Variants in NR6A1 observed in about 807,000 individuals in gnomAD.
NR6A1 encodes nuclear receptor subfamily 6 group A member 1.
NR6A1 carries 7 observed loss-of-function variants against 59.1 expected under a neutral mutation model. That is an observed-to-expected ratio of 0.12 (90% confidence interval 0.07 to 0.22). NR6A1 has a LOEUF of 0.22. Ranked by LOEUF, NR6A1 falls within the 10% of genes least tolerant of loss-of-function variation. The pLI is 1.00. For synonymous variants in NR6A1, 243 were observed against 236.1 expected, an observed-to-expected ratio of 1.03 and a Z score of -0.27; for missense variants, 468 against 611.6, an observed-to-expected ratio of 0.77 and a Z score of 2.48.
In NR6A1 at chr9:124,598,647, T is replaced by TAG; in HGVS notation, c.143-44078_143-44077insCT. 4 of 159,926 alleles carry TAG rather than the reference T, an allele frequency of 2.5e-5. No homozygotes were observed. The South Asian group carries it at 3.4e-4, about 14-fold the overall frequency. The allele number at this position is 159,926 out of a possible 1,614,324, so 9.9% of individuals were successfully genotyped here. On this transcript the variant is annotated intron_variant, in intron 2 of 9. Transcript: ENST00000487099. ...CCAAAAAAGAGGGGCAGAGTAAAAT[T>TAG]AAAAAAAAAAAAAAAAAAAAAACAA...
Position 124,619,801 on chromosome 9 carries a change from C to T in NR6A1, c.143-65231G>A, listed in dbSNP as rs954948547. On this transcript the variant is annotated intron_variant, in intron 2 of 9. Coordinates refer to ENST00000487099, the MANE Select transcript of NR6A1 (RefSeq NM_033334.4). ...TATTGGCTGGCTGAGGTGGCTCACG[C>T]CTGTAATCCCAGCACTTTGGGAGGC... 1.4e-4 allele frequency among the ~76,000 whole-genome samples: 22 copies of T among 152,284 alleles called. No homozygotes were observed. The South Asian group carries it at 3.9e-3, about 27-fold the overall frequency.
rs934724042 is a variant in NR6A1, at chr9:124,574,085, G to A, written c.143-19515C>T. On this transcript the variant is annotated intron_variant, in intron 2 of 9. Coordinates refer to ENST00000487099, the MANE Select transcript of NR6A1 (RefSeq NM_033334.4). ...CTGGAATGTTTCTTTATTGCTGAAT[G>A]AAAAAAGCAGACATTAACCTTTTCT... 4.6e-5 allele frequency among the ~76,000 whole-genome samples: 7 copies of A among 152,138 alleles called. 1 individual carries two copies. The highest frequency in any genetic ancestry group is 3.9e-4 in the Admixed American group (6 of 15,276).
intron 2 of NR6A1, among the ~76,000 whole-genome samples, chr9:124,584,814 C>A (rs1834875780): frequency 6.6e-6 from 1 of 152,126 alleles, no homozygotes; most frequent in South Asian, 2.1e-4. Context: ...AAAGGAAGAG[C>A]CACGTCTCTC....
intron 3 of NR6A1, 104 bp from the exon 4 acceptor site, chr9:124,543,961 T>C (rs1030914175): frequency 1.2e-6 from 1 of 852,148 alleles, no homozygotes; most frequent in Admixed American, 2.1e-5. Flanking sequence ...CAGTAATTAG[T>C]GAATCCAACA....
chr9:124,712,935 T>G (rs1839319245), intron 2 of NR6A1, among the ~76,000 whole-genome samples: 1 of 152,188 alleles, frequency 6.6e-6, no homozygotes, highest in East Asian at 1.9e-4. Flanking sequence ...AAAAAAACTC[T>G]TAGCAAACTA....
At chr9:124,679,106 T>G (rs1001199048) in intron 2 of NR6A1, among the ~76,000 whole-genome samples, 1 of 152,176 alleles carries the variant, frequency 6.6e-6, no homozygotes, top group Non-Finnish European at 1.5e-5. Flanking sequence ...CTGTCCTCTA[T>G]CCTCACCTCA....
At chr9:124,736,610 G>A (rs117310463) in intron 1 of NR6A1, among the ~76,000 whole-genome samples, 3,606 of 152,206 alleles carry the variant, frequency 0.024, 113 homozygotes, top group East Asian at 0.094. Flanking sequence ...TTGGGAAGCC[G>A]AAGCAGGAGG....
At chr9:124,727,052 T>C (rs1016244773) in intron 2 of NR6A1, among the ~76,000 whole-genome samples, 1 of 152,242 alleles carries the variant, frequency 6.6e-6, no homozygotes, top group African/African-American at 2.4e-5. Context: ...GCATTCCAGA[T>C]CTACATACTA....
At chr9:124,569,228 T>C (rs1834368046) in intron 2 of NR6A1, among the ~76,000 whole-genome samples, 1 of 152,176 alleles carries the variant, frequency 6.6e-6, no homozygotes, top group African/African-American at 2.4e-5. Flanking sequence ...GTGCAATCTA[T>C]CTTGTAAGTG....
At chr9:124,538,035 T>C (rs550374178) in intron 6 of NR6A1, 57 bp downstream of exon 6, 1 of 1,432,874 alleles carries the variant, frequency 7.0e-7, no homozygotes, top group East Asian at 2.3e-5. Flanking sequence ...CGCGAGTGGG[T>C]GTGGGGTAGG....
At chr9:124,759,126 C>T (rs1049779180) in intron 1 of NR6A1, among the ~76,000 whole-genome samples, 4 of 152,154 alleles carry the variant, frequency 2.6e-5, no homozygotes, top group African/African-American at 4.8e-5. Flanking sequence ...TGCCTATCCT[C>T]TTTTACATCT....
At chr9:124,566,017 C>G (rs918168682) in intron 2 of NR6A1, among the ~76,000 whole-genome samples, 2 of 152,148 alleles carry the variant, frequency 1.3e-5, no homozygotes, top group African/African-American at 4.8e-5. Context: ...ATGTTCACAA[C>G]GGCATGCTTT....
At chr9:124,588,828 G>A (rs1357672377) in intron 2 of NR6A1, among the ~76,000 whole-genome samples, 2 of 149,548 alleles carry the variant, frequency 1.3e-5, no homozygotes, top group African/African-American at 4.9e-5. Flanking sequence ...GCTGAGGCAG[G>A]AGAATGGCGC....
chr9:124,768,564 C>T (rs1303718374), intron 1 of NR6A1, among the ~76,000 whole-genome samples: 1 of 152,146 alleles, frequency 6.6e-6, no homozygotes, highest in Non-Finnish European at 1.5e-5. Flanking sequence ...CAAAAGTTCC[C>T]ATTGTATTTT....
At chr9:124,708,284 G>A (rs1020789388) in intron 2 of NR6A1, among the ~76,000 whole-genome samples, 2 of 152,158 alleles carry the variant, frequency 1.3e-5, no homozygotes, top group Non-Finnish European at 2.9e-5. Flanking sequence ...TTCACCGCCA[G>A]CCCCACCCTG....
rs548635127 is a variant in NR6A1, at chr9:124,681,892, A to T, written c.142+51416T>A. Among the ~76,000 whole-genome samples, 4 of 152,352 alleles carry T rather than the reference A, an allele frequency of 2.6e-5. No individual in the cohort carries two copies. In the South Asian group the frequency reaches 8.3e-4, roughly 32 times the overall value. On this transcript the variant is annotated intron_variant, in intron 2 of 9. Transcript: ENST00000487099. The stretch of plus-strand genomic sequence containing the variant: ...GTAAAAGATCCATGAAAAATGCAAG[A>T]TAGACAAATGAATTTTAATAAAATC...
intron 2 of NR6A1, chr9:124,692,670 GCTCACTGTTC>G (rs1449616839): frequency 3.8e-6 from 1 of 261,226 alleles, no homozygotes; most frequent in Non-Finnish European, 8.5e-6. Context: ...TATTCCTACT[GCTCACTGTTC>G]CTTGCTTTCT....
intron 2 of NR6A1, among the ~76,000 whole-genome samples, chr9:124,658,217 T>C (rs1488057493): frequency 1.3e-5 from 2 of 152,138 alleles, no homozygotes; most frequent in Non-Finnish European, 2.9e-5. Flanking sequence ...AGTCTCTCAG[T>C]GACTAGAGGC....
At chr9:124,563,839 G>A (rs753327166) in intron 2 of NR6A1, among the ~76,000 whole-genome samples, 7 of 152,140 alleles carry the variant, frequency 4.6e-5, no homozygotes, top group Non-Finnish European at 1.0e-4. Context: ...TCCCAGTCAG[G>A]CTGGGGTGGG....
Sources: allele counts gnomAD v4.1 joint callset (sites outside exome capture counted in the v4.1 genomes callset), GRCh38; gene constraint gnomAD v4.1.1; transcripts MANE v1.5; gene names NCBI Gene and HGNC (gene_info 2026-07-23, HGNC 2026-07-21).